Variants in ZNF365 observed in about 807,000 individuals in gnomAD.
The protein encoded by ZNF365 is protein ZNF365.
Under a neutral mutation model 35.0 loss-of-function variants are expected in ZNF365, and 22 were observed. The observed-to-expected ratio is 0.63, with a 90% CI of 0.45 to 0.90. The LOEUF (loss-of-function observed/expected upper bound fraction) is 0.90, where lower values mean the gene tolerates loss of function less well. Ranked by LOEUF, ZNF365 falls within the 40% of genes least tolerant of loss-of-function variation. The probability of loss-of-function intolerance (pLI) is 0.00; values close to 1 mark genes in which losing one functional copy is unlikely to be tolerated. For missense variants in ZNF365, 448 were observed against 500.3 expected (o/e 0.90, Z 1.00); for synonymous variants, 188 against 196.2 (o/e 0.96, Z 0.35).
At chr10:62,458,779 C>G (rs1840801246) in intron 3 of ZNF365, among the ~76,000 whole-genome samples, 1 of 152,128 alleles carries the variant, frequency 6.6e-6, no homozygotes, top group African/African-American at 2.4e-5. Flanking sequence ...ATCTGTTACA[C>G]AGAAATCTGT....
At chr10:62,440,165 T>A (rs1237008025) in intron 3 of ZNF365, among the ~76,000 whole-genome samples, 1 of 152,002 alleles carries the variant, frequency 6.6e-6, no homozygotes, top group African/African-American at 2.4e-5. Flanking sequence ...GCTTTATGAA[T>A]GCATAGTTTT....
chr10:62,476,055 T>TA (rs1214149026), intron 4 of ZNF365, among the ~76,000 whole-genome samples: 2 of 149,278 alleles, frequency 1.3e-5, no homozygotes, highest in Admixed American at 6.6e-5. Context: ...AGAGACATAT[T>TA]AAAAAACCTT....
At chr10:62,395,504 A>ATTTTTTTTTTTTTTTTTT (rs67866839) in intron 3 of ZNF365, among the ~76,000 whole-genome samples, 6 of 98,466 alleles carry the variant, frequency 6.1e-5, no homozygotes, top group African/African-American at 7.6e-5. Context: ...CACCCGGCTA[A>ATTTTTTTTTTTTTTTTTT]TTTTTTTTTT....
chr10:62,375,635 C>CA (rs35162925), intron 1 of ZNF365: 6,158 of 157,830 alleles, frequency 0.039, 242 homozygotes, highest in African/African-American at 0.1. Flanking sequence ...CCCATTTTGA[C>CA]AATTCATGTG....
chr10:62,404,787 G>A (rs1235973270), downstream of ZNF365, among the ~76,000 whole-genome samples: 1 of 152,154 alleles, frequency 6.6e-6, no homozygotes, highest in Non-Finnish European at 1.5e-5. Context: ...TATATGTATT[G>A]ATGTTACATT....
At chr10:62,388,209 A>C (rs375668009) in intron 2 of ZNF365, among the ~76,000 whole-genome samples, 187 bp from the exon 3 acceptor site, 1 of 152,218 alleles carries the variant, frequency 6.6e-6, no homozygotes, top group African/African-American at 2.4e-5. Flanking sequence ...TATAGTGACT[A>C]TCTTCCTCTA....
chr10:62,450,401 C>A (rs1840661453), intron 3 of ZNF365, among the ~76,000 whole-genome samples: 1 of 152,180 alleles, frequency 6.6e-6, no homozygotes, highest in Non-Finnish European at 1.5e-5. Flanking sequence ...CCAAGTCACA[C>A]AGTTACCGTG....
At chr10:62,438,968 T>C (rs1229000491) in intron 3 of ZNF365, among the ~76,000 whole-genome samples, 6 of 152,238 alleles carry the variant, frequency 3.9e-5, no homozygotes, top group Non-Finnish European at 8.8e-5. Flanking sequence ...AGAGTGCTTC[T>C]TGAGAAATAC....
chr10:62,412,884 T>C (rs1320372489), intron 3 of ZNF365, among the ~76,000 whole-genome samples: 1 of 152,096 alleles, frequency 6.6e-6, no homozygotes, highest in Non-Finnish European at 1.5e-5. Flanking sequence ...CCCACAAAAC[T>C]GCCATTGAGC....
chr10:62,406,031 G>A (rs557384311), downstream of ZNF365, among the ~76,000 whole-genome samples: 8 of 152,282 alleles, frequency 5.3e-5, no homozygotes, highest in Admixed American at 3.3e-4. Flanking sequence ...AGGGATACCC[G>A]AGGAGCTTAG....
At position 62,399,889 on chromosome 10, in the gene ZNF365, C is replaced by T. The variant is rs7899014; in HGVS notation, c.*100C>T. 6,825 of 1,457,722 alleles carry T rather than the reference C, an allele frequency of 4.7e-3. 61 individuals carry two copies. The highest frequency in any genetic ancestry group is 0.026 in the African/African-American group (1,798 of 70,258). 90.3% of individuals were successfully genotyped at this position (1,457,722 alleles called of 1,614,324 possible). A position where few individuals can be genotyped will look rare whatever the true frequency, so the allele number is the denominator to read the frequency against. ...TCTGGAAACATTCCATAGTAAGACACATTGGAAAAGCCAAGGGCATAACAC... is the reference window on the plus strand; with the variant it reads ...TCTGGAAACATTCCATAGTAAGACATATTGGAAAAGCCAAGGGCATAACAC... On this transcript the variant is annotated 3_prime_UTR_variant, in exon 5 of 5. Coordinates refer to ENST00000395254, the MANE Select transcript of ZNF365 (RefSeq NM_014951.3).
At position 62,479,785 on chromosome 10, in the gene ZNF365, T is replaced by G. The variant is rs558420915; in HGVS notation, c.982-91T>G. 7.4e-5 allele frequency: 66 copies of G among 890,282 alleles called. No individual in the cohort carries two copies. In the South Asian group the frequency reaches 8.8e-4, roughly 12 times the overall value. 55.1% of individuals were successfully genotyped at this position (890,282 alleles called of 1,614,324 possible). On this transcript the variant is annotated intron_variant, in intron 4 of 4. Coordinates refer to the ZNF365 transcript ENST00000395255. ...CAGTACAATTGTTTGCCAGGACCCATGGTTGAAACCACTTCTTTTTTTGAC... is the reference window on the plus strand; with the variant it reads ...CAGTACAATTGTTTGCCAGGACCCAGGGTTGAAACCACTTCTTTTTTTGAC...
chr10:62,379,111 C>G (rs1356158339), intron 2 of ZNF365, among the ~76,000 whole-genome samples: 1 of 151,406 alleles, frequency 6.6e-6, no homozygotes. Flanking sequence ...CAACCTCTGC[C>G]TCCTGGGTTC....
At chr10:62,456,437 C>T (rs1564596743) in intron 3 of ZNF365, among the ~76,000 whole-genome samples, 3 of 152,152 alleles carry the variant, frequency 2.0e-5, no homozygotes, top group Admixed American at 2.0e-4. Context: ...ACTCCCCCAC[C>T]CCTCTCTTCT....
intron 3 of ZNF365, among the ~76,000 whole-genome samples, chr10:62,409,063 A>G (rs934781044): frequency 6.6e-6 from 1 of 152,140 alleles, no homozygotes; most frequent in South Asian, 2.1e-4. Context: ...TCTCCTACTT[A>G]GAAGCTGAAA....
intron 3 of ZNF365, among the ~76,000 whole-genome samples, chr10:62,412,640 G>GCAAGC (rs1840004502): frequency 6.6e-6 from 1 of 151,932 alleles, no homozygotes; most frequent in South Asian, 2.1e-4. Flanking sequence ...CCAACAACAG[G>GCAAGC]CAAGCAGAGA....
chr10:62,427,805 C>G (rs7089814), intron 3 of ZNF365, among the ~76,000 whole-genome samples: 58 of 152,004 alleles, frequency 3.8e-4, no homozygotes, highest in African/African-American at 1.3e-3. Flanking sequence ...TGCTAGAAGG[C>G]GACTCCTGCA....
At chr10:62,402,541 A>G (rs560367566), downstream of ZNF365, 5 of 790,986 alleles carry the variant, frequency 6.3e-6, no homozygotes, top group East Asian at 3.8e-4. Flanking sequence ...CTTCCTGAAT[A>G]AGCTGTTCAT....
intron 4 of ZNF365, chr10:62,479,755 G>C (rs1589478883): frequency 1.4e-6 from 1 of 706,708 alleles, no homozygotes; most frequent in Admixed American, 2.2e-5. Flanking sequence ...TAAGTGAAGA[G>C]TTGCCAGTAC....
Sources: gnomAD v4.1 joint callset for allele counts (sites outside exome capture counted in the v4.1 genomes callset) on GRCh38, gnomAD v4.1.1 for gene constraint, MANE v1.5 for transcripts, NCBI Gene and HGNC (gene_info 2026-07-23, HGNC 2026-07-21) for gene names.